The following ANKRD36B variants were observed in gnomAD, a reference collection of about 807,000 sequenced individuals.
ANKRD36B encodes ankyrin repeat domain-containing protein 36B.
ANKRD36B carries 37 observed loss-of-function variants against 135.7 expected under a neutral mutation model. The ratio of observed to expected loss-of-function variants is 0.27; its 90% confidence interval spans 0.21 to 0.36. The LOEUF (loss-of-function observed/expected upper bound fraction) is 0.36. Among genes scored for constraint, ANKRD36B ranks in the 10% least tolerant of loss-of-function variants. ANKRD36B has a pLI of 1.00. For synonymous variants in ANKRD36B, 179 were observed against 348.1 expected (o/e 0.51, Z 5.41); for missense variants, 549 against 1,037.1 (o/e 0.53, Z 6.46).
intron 12 of ANKRD36B, among the ~76,000 whole-genome samples, chr2:97,555,501 G>T (rs2080436258): frequency 1.3e-5 from 2 of 151,834 alleles, no homozygotes. Flanking sequence ...AAATGAAACA[G>T]TGTTAGTATC....
At chr2:97,549,393 G>A (rs531636902) in intron 20 of ANKRD36B, 26 bp downstream of exon 20, 268 of 1,541,684 alleles carry the variant, frequency 1.7e-4, no homozygotes, top group Non-Finnish European at 2.3e-4. Flanking sequence ...GACTGAACAT[G>A]ACATTAAATC....
rs536603130 is a variant in ANKRD36B, at chr2:97,551,327, A to G, written c.1337T>C (p.Ile446Thr). 2.5e-6 allele frequency: 4 copies of G among 1,582,068 alleles called. No individual in the cohort carries two copies. In the South Asian group the frequency reaches 4.5e-5, roughly 18 times the overall value. The change falls in exon 18 of 44, where the codon ATA (isoleucine) becomes ACA (threonine). Residue 446 changes from isoleucine (I) to threonine (T), a missense_variant. Physicochemically the swap from Ile to Thr is moderately conservative, Grantham distance 89. Coordinates refer to ENST00000359901, the MANE Select transcript of ANKRD36B (RefSeq NM_001393939.1). ...TTCTCCATCCTTTTTTTCTCTGGTT[A>G]TATTCGAAAAAGAATCTTTCTCATC... is the stretch of plus-strand genomic sequence containing the variant. ...TSDEKDSFSN[I>T]TREKKDGEIS...
chr2:97,539,466 T>C (rs1161485115), intron 30 of ANKRD36B, among the ~76,000 whole-genome samples: 5 of 96,578 alleles, frequency 5.2e-5, no homozygotes, highest in African/African-American at 9.3e-5. Context: ...AATCAAATCT[T>C]CTTTTAGGAA....
In ANKRD36B at chr2:97,557,024, A is replaced by G; in HGVS notation, c.997-15T>C. 6.4e-7 allele frequency: 1 copy of G among 1,551,288 alleles called. No individual in the cohort carries two copies. The highest frequency in any genetic ancestry group is 8.7e-7 in the Non-Finnish European group (1 of 1,147,814). ...TTAAATATAACCTGAATGGAAAGAG[A>G]AACAAAATAGTCAATACATAATATA... On this transcript the variant is annotated splice_polypyrimidine_tract_variant and intron_variant, in intron 11 of 43. Coordinates refer to ENST00000359901, the MANE Select transcript of ANKRD36B (RefSeq NM_001393939.1).
intron 10 of ANKRD36B, among the ~76,000 whole-genome samples, chr2:97,557,895 C>T (rs1205697807): frequency 6.6e-6 from 1 of 151,522 alleles, no homozygotes; most frequent in Non-Finnish European, 1.5e-5. Flanking sequence ...ATATGAATAA[C>T]CTTTGACATT....
intron 4 of ANKRD36B, among the ~76,000 whole-genome samples, chr2:97,579,930 C>T (rs1344437257): frequency 1.3e-5 from 2 of 152,178 alleles, no homozygotes; most frequent in Non-Finnish European, 2.9e-5. Context: ...ACCAAGGTCA[C>T]ACATCTAGCA....
chr2:97,551,298 A>G lies in ANKRD36B; in HGVS notation c.1366T>C (p.Ser456Pro). The G allele has an allele frequency of 6.4e-7, 1 of 1,562,122 alleles. No individual in the cohort carries two copies. Among genetic ancestry groups the G allele is most frequent in the Non-Finnish European group, 8.6e-7 (1 of 1,157,038 alleles). The change falls in exon 18 of 44, where the codon TCT (serine) becomes CCT (proline). Residue 456 changes from serine (S) to proline (P), a missense_variant. Coordinates refer to ENST00000359901, the MANE Select transcript of ANKRD36B (RefSeq NM_001393939.1). ...ITREKKDGEISRTVSSQKPPA... is the reference protein window; with the variant it reads ...ITREKKDGEIPRTVSSQKPPA... ...TGTTTCGCAAAATTACCTGTCCTAGATATTTCTCCATCCTTTTTTTCTCTG... is the reference window on the plus strand; with the variant it reads ...TGTTTCGCAAAATTACCTGTCCTAGGTATTTCTCCATCCTTTTTTTCTCTG...
chr2:97,538,036 A>G, intron 32 of ANKRD36B, 132 bp downstream of exon 32: 1 of 450,694 alleles, frequency 2.2e-6, no homozygotes, highest in African/African-American at 2.3e-5. Flanking sequence ...ACAACTCAGT[A>G]GAAATGCACA....
rs2079114144 is a variant in ANKRD36B at position 97,540,816 on chromosome 2, G to A, written c.1886-587C>T. Among the ~76,000 whole-genome samples, 2 of 96,000 alleles carry A rather than the reference G, an allele frequency of 2.1e-5. 1 individual carries two copies. The highest frequency in any genetic ancestry group is 1.9e-4 in the Admixed American group (2 of 10,736). 63.0% of individuals were successfully genotyped at this position (96,000 alleles called of 152,430 possible). On this transcript the variant is annotated intron_variant, in intron 28 of 43. Coordinates refer to ENST00000359901, the MANE Select transcript of ANKRD36B (RefSeq NM_001393939.1). ...AATATTTATTATTCCTCAAACCCAC[G>A]TGGTGTAATAATTTGCCTAAGTTTC...
intron 8 of ANKRD36B, among the ~76,000 whole-genome samples, chr2:97,559,579 T>A (rs2080840986): frequency 6.6e-6 from 1 of 151,982 alleles, no homozygotes; most frequent in Admixed American, 6.6e-5. Flanking sequence ...TGTGGTATAA[T>A]AATTTGCCTA....
intron 6 of ANKRD36B, among the ~76,000 whole-genome samples, chr2:97,562,132 A>G (rs926332284): frequency 1.5e-4 from 23 of 151,922 alleles, no homozygotes; most frequent in African/African-American, 5.6e-4. Flanking sequence ...TTGCAAAAAC[A>G]TACACATCAA....
Position 97,579,040 on chromosome 2 carries a change from T to A in ANKRD36B, c.561A>T (p.Ser187=). The change falls in exon 5 of 44, where the codon TCA becomes TCT. Residue 187 remains serine, a synonymous_variant. Transcript: ENST00000359901. Reference sequence around the variant, plus strand: ...CAAGAGTAACAGCAAGTATGAGGGCTGATCTAAAATAACAGAGAGGTAATT... The same window carrying A: ...CAAGAGTAACAGCAAGTATGAGGGCAGATCTAAAATAACAGAGAGGTAATT... The part of the protein sequence containing the change: ...NVNAIDYLGR[S]ALILAVTLGE... 1.9e-6 allele frequency: 3 copies of A among 1,603,796 alleles called. No individual in the cohort carries two copies. Among genetic ancestry groups the A allele is most frequent in the Middle Eastern group, 1.7e-4 (1 of 6,032 alleles).
rs548294315 is a variant in ANKRD36B at position 97,548,868 on chromosome 2, A to G, written c.1477+551T>C. Among the ~76,000 whole-genome samples, 184 of 152,026 alleles carry G rather than the reference A, an allele frequency of 1.2e-3. 1 individual carries two copies. Among genetic ancestry groups the G allele is most frequent in the South Asian group, 5.6e-3 (27 of 4,814 alleles). ...ATTAAAATATTCCAAATGCATCTGA[A>G]GTGAGTTCACTCAGGTTTCCTCAGC... On this transcript the variant is annotated intron_variant, in intron 20 of 43. Coordinates refer to ENST00000359901, the MANE Select transcript of ANKRD36B (RefSeq NM_001393939.1).
At chr2:97,565,994 C>A (rs1226555734) in intron 6 of ANKRD36B, among the ~76,000 whole-genome samples, 2 of 151,202 alleles carry the variant, frequency 1.3e-5, no homozygotes, top group African/African-American at 4.9e-5. Flanking sequence ...ACAGACTGGG[C>A]AACATAGCAA....
intron 8 of ANKRD36B, among the ~76,000 whole-genome samples, chr2:97,559,488 G>A (rs981235631): frequency 4.6e-5 from 7 of 151,596 alleles, no homozygotes; most frequent in Non-Finnish European, 8.8e-5. Flanking sequence ...ACGTCTCTTC[G>A]GTGGAAATGT....
intron 16 of ANKRD36B, 32 bp downstream of exon 16, chr2:97,553,136 A>G: frequency 1.3e-6 from 2 of 1,599,320 alleles, no homozygotes; most frequent in Non-Finnish European, 1.7e-6. Context: ...ATCTGGATTG[A>G]ACATGACATT....
At chr2:97,539,401 G>A (rs2104520183) in intron 30 of ANKRD36B, among the ~76,000 whole-genome samples, 1 of 96,952 alleles carries the variant, frequency 1.0e-5, no homozygotes, top group Admixed American at 9.1e-5. Context: ...AGTCACTGTG[G>A]TTTATCCCAA....
At position 97,536,356 on chromosome 2, in the gene ANKRD36B, T is replaced by A. The variant is rs189589969; in HGVS notation, c.2135A>T (p.Lys712Ile). The A allele has an allele frequency of 7.3e-4, 690 of 941,036 alleles. 188 individuals carry two copies. The African/African-American group carries it at 0.011, about 15-fold the overall frequency. 58.3% of individuals were successfully genotyped at this position (941,036 alleles called of 1,614,324 possible). The stretch of plus-strand genomic sequence containing the variant: ...GGTGGCTGTATTCAGAACAGAATCT[T>A]TATTTTCAATTGTAGCCTGAATGGG... ...LRTLKATIENKDSVLNTATKM... is the reference protein window; with the variant it reads ...LRTLKATIENIDSVLNTATKM... The change falls in exon 34 of 44, where the codon AAA becomes ATA. Residue 712 changes from lysine (K) to isoleucine (I), a missense_variant. Physicochemically the swap from Lys to Ile is moderately radical, Grantham distance 102 (BLOSUM62 -3). Coordinates refer to ENST00000359901, the MANE Select transcript of ANKRD36B (RefSeq NM_001393939.1).
chr2:97,532,311 C>T lies in ANKRD36B; in HGVS notation c.2265G>A (p.Gln755=). 5 of 692,554 alleles carry T rather than the reference C, an allele frequency of 7.2e-6. 1 individual carries two copies. The highest frequency in any genetic ancestry group is 1.2e-5 in the Non-Finnish European group (5 of 422,418). 42.9% of individuals were successfully genotyped at this position (692,554 alleles called of 1,614,324 possible). ...RLEEYENNQP[Q]VKNQIHSRDD... is the part of the protein sequence containing the mutation. ...AATTTGATTTTAAATTTTTACATAC[C>T]TGTGGCTGGTTATTTTCATATTCTT... Residue 755 remains glutamine, a splice_region_variant and synonymous_variant, in exon 35 of 44, where the codon CAG becomes CAA. Transcript: ENST00000359901.
Sources: allele counts gnomAD v4.1 joint callset (sites outside exome capture counted in the v4.1 genomes callset), GRCh38; gene constraint gnomAD v4.1.1; transcripts MANE v1.5; gene names NCBI Gene and HGNC (gene_info 2026-07-23, HGNC 2026-07-21).